Variants in GPR132 observed in about 807,000 individuals in gnomAD.
GPR132 encodes probable G protein-coupled receptor 132.
Under a neutral mutation model 1.9 loss-of-function variants are expected in GPR132, and 4 were observed. The observed-to-expected ratio is 2.13, with a 90% CI of 1.05 to 4.87. The LOEUF is 4.87. GPR132 is among the 30% of genes most tolerant of loss of function. GPR132 has a pLI of 0.01. For synonymous variants in GPR132, 233 were observed against 234.2 expected, an observed-to-expected ratio of 0.99 and a Z score of 0.05; for missense variants, 404 against 512.5, an observed-to-expected ratio of 0.79 and a Z score of 2.04.
At position 105,055,529 on chromosome 14, in the gene GPR132, C is replaced by T. The variant is rs1301060547; in HGVS notation, c.-109G>A. ...TCGCTCCGCATTTGCTCCCAGCCCC[C>T]AGGCCTCCATTCCACTTTGTCTCTG... On this transcript the variant is annotated 5_prime_UTR_variant, in exon 3 of 4. It introduces an in-frame stop codon into an upstream open reading frame of the 5' UTR. Transcript: ENST00000329797. The surrounding 1 kb of genome is among the most constrained non-coding windows in gnomAD (Gnocchi z 4.7). 1 of 754,904 alleles carries T rather than the reference C, an allele frequency of 1.3e-6. No individual in the cohort carries two copies. The highest frequency in any genetic ancestry group is 2.5e-6 in the Non-Finnish European group (1 of 401,154). 46.8% of individuals were successfully genotyped at this position (754,904 alleles called of 1,614,324 possible).
chr14:105,063,264 G>C (rs1255926780), intron 1 of GPR132, among the ~76,000 whole-genome samples: 3 of 151,824 alleles, frequency 2.0e-5, no homozygotes, highest in Non-Finnish European at 2.9e-5. Flanking sequence ...CATGTTCCTG[G>C]GATGGACATT....
At chr14:105,065,087 C>A (rs35886229) in intron 1 of GPR132, among the ~76,000 whole-genome samples, 84,491 of 151,878 alleles carry the variant, frequency 0.56, 26,100 homozygotes, top group Non-Finnish European at 0.7. Flanking sequence ...GCCAGGGAAG[C>A]CTTTTCCAGA....
At chr14:105,064,622 C>T (rs1405228707) in intron 1 of GPR132, among the ~76,000 whole-genome samples, 1 of 152,194 alleles carries the variant, frequency 6.6e-6, no homozygotes, top group Non-Finnish European at 1.5e-5. Flanking sequence ...GCATGAACCA[C>T]CGTGCCCAGC....
Position 105,056,144 on chromosome 14 carries a change from G to A in GPR132, c.-724C>T, listed in dbSNP as rs1188755524. Reference sequence around the variant, plus strand: ...TGCTGGGTTTCTCCGGGTGAGTGTCGTGTCCCTTGCTCACCTTCCTCCCTG... The same window carrying A: ...TGCTGGGTTTCTCCGGGTGAGTGTCATGTCCCTTGCTCACCTTCCTCCCTG... On this transcript the variant is annotated 5_prime_UTR_variant, in exon 3 of 4. It adds an upstream start codon to the 5' untranslated region. Coordinates refer to ENST00000329797, the MANE Select transcript of GPR132 (RefSeq NM_013345.4). The surrounding 1 kb of genome is among the most constrained non-coding windows in gnomAD (Gnocchi z 6.0). 2.7e-5 allele frequency: 27 copies of A among 985,932 alleles called. No individual in the cohort carries two copies. The highest frequency in any genetic ancestry group is 3.3e-5 in the Non-Finnish European group (27 of 830,254). The allele number at this position is 985,932 out of a possible 1,614,324, so 61.1% of individuals were successfully genotyped here.
At chr14:105,057,046 A>G in intron 2 of GPR132, 121 bp downstream of exon 2, 1 of 712,792 alleles carries the variant, frequency 1.4e-6, no homozygotes. Flanking sequence ...TTGCTGAGCT[A>G]GTTTTTATCT....
Position 105,051,435 on chromosome 14 carries a change from A to C in GPR132, c.702T>G (p.Ala234=), listed in dbSNP as rs1338325342. The C allele has an allele frequency of 6.2e-7, 1 of 1,614,140 alleles. No individual in the cohort carries two copies. Among genetic ancestry groups the C allele is most frequent in the Non-Finnish European group, 8.5e-7 (1 of 1,180,030 alleles). The stretch of plus-strand genomic sequence containing the variant: ...AGTGCTTCACCTTGGCCTTCTGGGC[A>C]GCGCTTAAGCCCATGCTCTGCTTGA... ...RSIKQSMGLS[A]AQKAKVKHSA... is the part of the protein sequence containing the mutation. Residue 234 remains alanine, a synonymous_variant, in exon 4 of 4, where the codon GCT becomes GCG. Coordinates refer to ENST00000329797, the MANE Select transcript of GPR132 (RefSeq NM_013345.4). This position sits in a 1 kb window ranked among gnomAD's most constrained non-coding sequence, Gnocchi z 8.0.
rs966171901 is a variant in GPR132, at chr14:105,055,375, C to T, written c.34+12G>A. 2 of 780,958 alleles carry T rather than the reference C, an allele frequency of 2.6e-6. No homozygotes were observed. The highest frequency in any genetic ancestry group is 4.8e-6 in the Non-Finnish European group (2 of 418,056). 48.4% of individuals were successfully genotyped at this position (780,958 alleles called of 1,614,324 possible). ...GAAAATTGTGGCAAAATACACATAA[C>T]AAGGAATTTACCATTGTAACCGTTT... On this transcript the variant is annotated intron_variant, in intron 3 of 3. Transcript: ENST00000329797. This position sits in a 1 kb window ranked among gnomAD's most constrained non-coding sequence, Gnocchi z 4.7.
intron 1 of GPR132, 112 bp from the exon 2 acceptor site, chr14:105,057,392 T>G (rs962032081): frequency 1.7e-4 from 89 of 532,746 alleles, no homozygotes; most frequent in Non-Finnish European, 3.0e-5. Flanking sequence ...GCCCGTTGAT[T>G]CGTAGGTGTT....
rs1194019863 is a variant in GPR132, at chr14:105,058,194, C to T, written c.-860-914G>A. On this transcript the variant is annotated intron_variant, in intron 1 of 3. Coordinates refer to ENST00000329797, the MANE Select transcript of GPR132 (RefSeq NM_013345.4). ...GACCAGCCTGGGCAATATAGTAACA[C>T]CCCACACCTACAAAAATATAAACAG... Among the ~76,000 whole-genome samples the T allele has an allele frequency of 2.6e-5, 4 of 152,008 alleles. 1 individual carries two copies. The East Asian group carries it at 5.8e-4, about 22-fold the overall frequency.
At chr14:105,058,277 C>T (rs917264899) in intron 1 of GPR132, among the ~76,000 whole-genome samples, 1 of 152,124 alleles carries the variant, frequency 6.6e-6, no homozygotes, top group Non-Finnish European at 1.5e-5. Context: ...GGGAGGATCG[C>T]TTGAGCCCAG....
chr14:105,053,821 TA>T, intron 3 of GPR132: 1 of 621,740 alleles, frequency 1.6e-6, no homozygotes, highest in Non-Finnish European at 2.1e-6. Flanking sequence ...TAGCTGACAG[TA>T]AAATAAAGAG....
At chr14:105,062,665 C>T (rs71423817) in intron 1 of GPR132, among the ~76,000 whole-genome samples, 4 of 151,258 alleles carry the variant, frequency 2.6e-5, no homozygotes, top group South Asian at 2.1e-4. Context: ...CTCAGCCTCC[C>T]GAGTGGTTGG....
chr14:105,062,397 G>C (rs1214602491), intron 1 of GPR132, among the ~76,000 whole-genome samples: 2 of 152,136 alleles, frequency 1.3e-5, no homozygotes, highest in South Asian at 4.1e-4. Flanking sequence ...TGTCCAACCC[G>C]CCTTTCTCCC....
intron 3 of GPR132, among the ~76,000 whole-genome samples, chr14:105,053,147 C>CTTTT (rs1162515395): frequency 8.1e-5 from 8 of 99,010 alleles, no homozygotes; most frequent in African/African-American, 1.3e-4. Context: ...AACCTGTAGT[C>CTTTT]TTTTTTTTTT....
Position 105,054,326 on chromosome 14 carries a change from C to T in GPR132, c.34+1061G>A, listed in dbSNP as rs1023571041. 14 of 985,390 alleles carry T rather than the reference C, an allele frequency of 1.4e-5. No homozygotes were observed. In the African/African-American group the frequency reaches 2.1e-4, roughly 15 times the overall value. 61.0% of individuals were successfully genotyped at this position (985,390 alleles called of 1,614,324 possible). A position where few individuals can be genotyped will look rare whatever the true frequency, so the allele number is the denominator to read the frequency against. On this transcript the variant is annotated intron_variant, in intron 3 of 3. Transcript: ENST00000329797. ...ATGCAAATGTCGTAGTTTCCTTGAC[C>T]TCCCTCCTGTACTTGAGGGCCTGTT...
intron 1 of GPR132, among the ~76,000 whole-genome samples, chr14:105,058,549 C>T (rs1473772330): frequency 1.3e-5 from 2 of 152,248 alleles, no homozygotes; most frequent in South Asian, 2.1e-4. Context: ...ACGGGACTGA[C>T]GGAAGTATGA....
At chr14:105,054,018 C>T (rs779261699) in intron 3 of GPR132, 2 of 1,285,556 alleles carry the variant, frequency 1.6e-6, no homozygotes, top group South Asian at 2.5e-5. Context: ...AGTGGTGTGA[C>T]TTCCCCAAGC....
chr14:105,053,333 T>A lies in GPR132; in HGVS notation c.35-1231A>T, dbSNP rs922542106. 3.3e-5 allele frequency among the ~76,000 whole-genome samples: 5 copies of A among 151,952 alleles called. No individual in the cohort carries two copies. In the East Asian group the frequency reaches 5.8e-4, roughly 18 times the overall value. ...GCGTCACCACACCCAGCTAATTTTG[T>A]ATTTTTAGTAGAGATGGGGTTTCTC... On this transcript the variant is annotated intron_variant, in intron 3 of 3. Coordinates refer to ENST00000329797, the MANE Select transcript of GPR132 (RefSeq NM_013345.4).
At chr14:105,057,511 C>CTTTTTTTTTTTTTT (rs11299805) in intron 1 of GPR132, 4 of 88,528 alleles carry the variant, frequency 4.5e-5, no homozygotes, top group African/African-American at 1.3e-4. Flanking sequence ...ACATACGATT[C>CTTTTTTTTTTTTTT]TTTTTTTTTT....
Sources: allele counts gnomAD v4.1 joint callset (sites outside exome capture counted in the v4.1 genomes callset), GRCh38; gene constraint gnomAD v4.1.1; non-coding constraint Gnocchi (gnomAD v3.1); transcripts MANE v1.5; gene names NCBI Gene and HGNC (gene_info 2026-07-23, HGNC 2026-07-21).